The following ACYP2 variants were observed in gnomAD, a reference collection of about 807,000 sequenced individuals.
ACYP2 encodes the protein acylphosphatase 2.
Under a neutral mutation model 11.2 loss-of-function variants are expected in ACYP2, and 12 were observed. The observed-to-expected ratio is 1.08, with a 90% CI of 0.69 to 1.74. The LOEUF is 1.74. Among genes scored for constraint, ACYP2 ranks in the 40% most tolerant of loss-of-function variants. The pLI is 0.00. For synonymous variants in ACYP2, 43 were observed against 32.2 expected (o/e 1.33, Z -1.13); for missense variants, 134 against 101.9 (o/e 1.31, Z -1.35).
intron 6 of ACYP2, among the ~76,000 whole-genome samples, chr2:54,166,772 C>T (rs961895359): frequency 1.3e-5 from 2 of 152,032 alleles, no homozygotes; most frequent in African/African-American, 4.8e-5. Context: ...TTTTGTATCC[C>T]CACCTTCCAA....
intron 6 of ACYP2, among the ~76,000 whole-genome samples, chr2:54,249,894 T>C (rs1026812697): frequency 5.5e-5 from 8 of 145,924 alleles, no homozygotes; most frequent in South Asian, 2.1e-4. Flanking sequence ...TGAGCTGTGA[T>C]TGTACCACTG....
intron 4 of ACYP2, 90 bp from the exon 2 acceptor site, chr2:54,135,363 G>A: frequency 8.4e-7 from 1 of 1,196,240 alleles, no homozygotes; most frequent in Non-Finnish European, 1.2e-6. Flanking sequence ...AGGATAAATG[G>A]GGACCACCTA....
At chr2:54,202,199 C>T (rs928242500) in intron 6 of ACYP2, among the ~76,000 whole-genome samples, 2 of 152,068 alleles carry the variant, frequency 1.3e-5, no homozygotes, top group Admixed American at 6.6e-5. Flanking sequence ...CTCTCCGCCT[C>T]CCAGGTTCAA....
chr2:54,152,391 T>C (rs1473583418), intron 6 of ACYP2, among the ~76,000 whole-genome samples: 3 of 152,184 alleles, frequency 2.0e-5, no homozygotes, highest in Non-Finnish European at 4.4e-5. Context: ...CCCAAAGTGC[T>C]GGGATTACTG....
intron 2 of ACYP2, among the ~76,000 whole-genome samples, chr2:54,037,351 G>A (rs2104559556): frequency 6.6e-6 from 1 of 152,276 alleles, no homozygotes; most frequent in Non-Finnish European, 1.5e-5. Flanking sequence ...CTGTTCTCAA[G>A]TGATCCACCT....
At chr2:54,017,689 C>G (rs1289299283) in intron 2 of ACYP2, among the ~76,000 whole-genome samples, 2 of 152,084 alleles carry the variant, frequency 1.3e-5, no homozygotes, top group Admixed American at 1.3e-4. Flanking sequence ...CTCTGTAATT[C>G]TTATGAAAAA....
intron 6 of ACYP2, among the ~76,000 whole-genome samples, chr2:54,257,433 T>C (rs773747278): frequency 1.1e-4 from 17 of 152,250 alleles, no homozygotes; most frequent in South Asian, 8.3e-4. Flanking sequence ...TGGCTACAGC[T>C]AGTCAGTTGG....
intron 4 of ACYP2, chr2:54,057,418 G>C (rs943733139): frequency 1.5e-5 from 6 of 394,718 alleles, no homozygotes; most frequent in African/African-American, 6.2e-5. Flanking sequence ...CAGTTCATCA[G>C]AACATTTTGG....
At chr2:54,039,601 A>G (rs1675112368) in intron 2 of ACYP2, among the ~76,000 whole-genome samples, 1 of 151,540 alleles carries the variant, frequency 6.6e-6, no homozygotes, top group African/African-American at 2.4e-5. Context: ...TAATTTTTGT[A>G]TTTTTGGTAG....
At chr2:54,261,674 C>A (rs1687785615) in intron 6 of ACYP2, among the ~76,000 whole-genome samples, 1 of 152,144 alleles carries the variant, frequency 6.6e-6, no homozygotes, top group Non-Finnish European at 1.5e-5. Flanking sequence ...GACTTAAATT[C>A]TTTAAACAAC....
intron 6 of ACYP2, among the ~76,000 whole-genome samples, chr2:54,219,382 T>C (rs1018007211): frequency 2.6e-5 from 4 of 152,100 alleles, no homozygotes; most frequent in Non-Finnish European, 5.9e-5. Flanking sequence ...AAAATAAGAT[T>C]GGAAAATAAG....
At chr2:54,302,038 G>A (rs778202215) in intron 6 of ACYP2, among the ~76,000 whole-genome samples, 4 of 152,168 alleles carry the variant, frequency 2.6e-5, no homozygotes, top group Non-Finnish European at 5.9e-5. Context: ...TTCCTCCCAG[G>A]CCATACTTTT....
At chr2:54,249,058 T>C (rs1687086414) in intron 6 of ACYP2, among the ~76,000 whole-genome samples, 2 of 151,982 alleles carry the variant, frequency 1.3e-5, no homozygotes, top group South Asian at 4.2e-4. Flanking sequence ...AGGTAGGGGA[T>C]TGGTTGTAGC....
chr2:54,105,986 A>G (rs1679136820), intron 4 of ACYP2, among the ~76,000 whole-genome samples: 1 of 151,892 alleles, frequency 6.6e-6, no homozygotes. Flanking sequence ...TTCTAAGACT[A>G]TTTCTTTGTC....
At chr2:54,083,826 CT>C (rs1321517101) in intron 4 of ACYP2, among the ~76,000 whole-genome samples, 1 of 152,090 alleles carries the variant, frequency 6.6e-6, no homozygotes, top group Non-Finnish European at 1.5e-5. Context: ...TAAAATTGAC[CT>C]TGAAAACTGA....
At chr2:54,089,655 G>A (rs898319660) in intron 4 of ACYP2, among the ~76,000 whole-genome samples, 2 of 151,802 alleles carry the variant, frequency 1.3e-5, no homozygotes, top group African/African-American at 4.8e-5. Flanking sequence ...TGAAAGGATC[G>A]CCTAAGCCCC....
chr2:54,261,076 AC>A (rs1687755180), intron 6 of ACYP2, among the ~76,000 whole-genome samples: 1 of 152,092 alleles, frequency 6.6e-6, no homozygotes, highest in African/African-American at 2.4e-5. Context: ...AATGTCACAG[AC>A]CCTGGTATTA....
At chr2:54,001,914 C>T (rs1672822696) in intron 2 of ACYP2, among the ~76,000 whole-genome samples, 1 of 152,148 alleles carries the variant, frequency 6.6e-6, no homozygotes, top group Non-Finnish European at 1.5e-5. Context: ...TCCCATATTT[C>T]CCCTGTCCCC....
At chr2:54,264,458 C>A (rs145185273) in intron 6 of ACYP2, among the ~76,000 whole-genome samples, 1 of 152,252 alleles carries the variant, frequency 6.6e-6, no homozygotes, top group East Asian at 1.9e-4. Context: ...ACCCAGAAGC[C>A]CAGCTGGCTT....
Sources: gnomAD v4.1 joint callset for allele counts (sites outside exome capture counted in the v4.1 genomes callset) on GRCh38, gnomAD v4.1.1 for gene constraint, MANE v1.5 for transcripts, NCBI Gene and HGNC (gene_info 2026-07-23, HGNC 2026-07-21) for gene names.